The following RBFOX1 variants were observed in gnomAD, a reference collection of about 807,000 sequenced individuals.
RBFOX1 encodes the protein RNA binding fox-1 homolog 1.
In RBFOX1, 8 loss-of-function variants were observed where a neutral mutation model predicts 57.7. That is an observed-to-expected ratio of 0.14 (90% CI 0.08 to 0.25). The LOEUF is 0.25. RBFOX1 is among the 10% of genes least tolerant of loss of function. RBFOX1 has a pLI of 1.00. For missense variants in RBFOX1, 611 were observed against 548.5 expected, an observed-to-expected ratio of 1.11 and a Z score of -1.14; for synonymous variants, 326 against 222.4, an observed-to-expected ratio of 1.47 and a Z score of -4.15.
In RBFOX1 at chr16:7,666,519, T is replaced by G. The variant is rs146690651; in HGVS notation, c.930+1551T>G. 3.3e-5 allele frequency among the ~76,000 whole-genome samples: 5 copies of G among 152,314 alleles called. No homozygotes were observed. The East Asian group carries it at 9.7e-4, about 29-fold the overall frequency. On this transcript the variant is annotated intron_variant, in intron 13 of 15. Transcript: ENST00000550418. ...TATTGAATCATTAATGTGTGGTGTC[T>G]TATGCAGATATCAAATTGGTGTCTT...
intron 1 of RBFOX1, among the ~76,000 whole-genome samples, chr16:6,227,535 G>T (rs112053028): frequency 2.6e-5 from 4 of 152,212 alleles, no homozygotes; most frequent in African/African-American, 9.6e-5. Context: ...AGTCTGCAGG[G>T]TAGGGACAGA....
At chr16:5,827,402 G>GAAAAAAAAAAAAAAAAAAA (rs374545272) in intron 3 of RBFOX1, among the ~76,000 whole-genome samples, 2 of 100,476 alleles carry the variant, frequency 2.0e-5, no homozygotes, top group South Asian at 3.7e-4. Context: ...TCCATCTCAG[G>GAAAAAAAAAAAAAAAAAAA]GAAAAAAAAA....
At chr16:6,770,779 T>G (rs2078156962) in intron 3 of RBFOX1, among the ~76,000 whole-genome samples, 1 of 152,094 alleles carries the variant, frequency 6.6e-6, no homozygotes, top group Non-Finnish European at 1.5e-5. Flanking sequence ...AGTTGGGAAG[T>G]TAAGGAAGTT....
intron 3 of RBFOX1, among the ~76,000 whole-genome samples, chr16:6,921,742 T>C (rs895249329): frequency 4.6e-5 from 7 of 151,686 alleles, no homozygotes; most frequent in Non-Finnish European, 1.0e-4. Context: ...TATATGAGCA[T>C]ATGTATGTGT....
chr16:5,665,138 GGGC>G (rs71142641), intron 3 of RBFOX1, among the ~76,000 whole-genome samples: 17,857 of 147,434 alleles, frequency 0.12, 2,175 homozygotes, highest in East Asian at 0.24. Flanking sequence ...ACATGGGGGG[GGGC>G]GGTCTTGCTA....
intron 4 of RBFOX1, among the ~76,000 whole-genome samples, chr16:7,187,229 CAT>C (rs1352472791): frequency 2.6e-5 from 4 of 151,848 alleles, no homozygotes; most frequent in African/African-American, 4.8e-5. Context: ...GTACTGAAAT[CAT>C]ATGTAAGAAG....
At chr16:5,547,610 T>G (rs1039288368) in intron 2 of RBFOX1, among the ~76,000 whole-genome samples, 5 of 151,812 alleles carry the variant, frequency 3.3e-5, no homozygotes, top group African/African-American at 1.2e-4. Context: ...GGATGGGAAG[T>G]GGGAAAGGAT....
chr16:6,450,832 T>TAC (rs1567303757), intron 2 of RBFOX1, among the ~76,000 whole-genome samples: 10 of 24,342 alleles, frequency 4.1e-4, no homozygotes, highest in African/African-American at 1.7e-3. Flanking sequence ...TATATATATA[T>TAC]ATATGTGTAT....
At chr16:6,657,447 C>G (rs895912276) in intron 3 of RBFOX1, among the ~76,000 whole-genome samples, 34 of 152,110 alleles carry the variant, frequency 2.2e-4, no homozygotes, top group Admixed American at 2.0e-3. Context: ...AGCTCCATCC[C>G]CCTCCCTCTC....
At chr16:5,292,824 C>G (rs1054648206) in intron 1 of RBFOX1, among the ~76,000 whole-genome samples, 4 of 151,946 alleles carry the variant, frequency 2.6e-5, no homozygotes, top group African/African-American at 7.2e-5. Flanking sequence ...GGGGTTTCAC[C>G]ATGTTAGCCA....
intron 2 of RBFOX1, among the ~76,000 whole-genome samples, chr16:6,414,105 A>G (rs1345887274): frequency 6.6e-6 from 1 of 152,174 alleles, no homozygotes; most frequent in African/African-American, 2.4e-5. Context: ...CTGGAGGAAG[A>G]TGCCTCCCAA....
In RBFOX1 at chr16:6,478,495, G is replaced by A. The variant is rs543632643; in HGVS notation, c.-64+161438G>A. Among the ~76,000 whole-genome samples the A allele has an allele frequency of 6.6e-4, 90 of 137,328 alleles. 1 individual carries two copies. Among genetic ancestry groups the A allele is most frequent in the African/African-American group, 2.0e-3 (71 of 36,366 alleles). The allele number at this position is 137,328 out of a possible 152,430, so 90.1% of individuals were successfully genotyped here. A position where few individuals can be genotyped will look rare whatever the true frequency, so the allele number is the denominator to read the frequency against. ...TTCACCATGTTGGCGAGGCTGTTCT[G>A]GAACTCCTGACCTTGTGATTCACTT... On this transcript the variant is annotated intron_variant, in intron 2 of 15. Transcript: ENST00000550418.
In RBFOX1 at chr16:7,535,941, C is replaced by T. The variant is rs113294772; in HGVS notation, c.270+17552C>T. On this transcript the variant is annotated intron_variant, in intron 5 of 15. Coordinates refer to ENST00000550418, the MANE Select transcript of RBFOX1 (RefSeq NM_018723.4). The stretch of plus-strand genomic sequence containing the variant: ...TCTTGGGTTCTTACTATTTGAGAGG[C>T]GCAGAACTGGGCCTTGGAGATACAA... Among the ~76,000 whole-genome samples, 127 of 152,220 alleles carry T rather than the reference C, an allele frequency of 8.3e-4. 1 individual carries two copies. Among genetic ancestry groups the T allele is most frequent in the African/African-American group, 2.8e-3 (116 of 41,532 alleles).
chr16:6,022,152 C>G (rs1006023830), intron 1 of RBFOX1, among the ~76,000 whole-genome samples: 4 of 152,056 alleles, frequency 2.6e-5, no homozygotes, highest in Non-Finnish European at 4.4e-5. Flanking sequence ...TTGACAAGCA[C>G]CTGAAATTAA....
chr16:5,721,357 G>T (rs1267216766), intron 3 of RBFOX1, among the ~76,000 whole-genome samples: 2 of 152,174 alleles, frequency 1.3e-5, no homozygotes, highest in African/African-American at 4.8e-5. Flanking sequence ...GTGGATGTGG[G>T]TATGTGGGTG....
intron 3 of RBFOX1, among the ~76,000 whole-genome samples, chr16:6,727,620 G>C (rs1383337063): frequency 6.6e-6 from 1 of 152,028 alleles, no homozygotes; most frequent in Non-Finnish European, 1.5e-5. Flanking sequence ...GTTTCAGTAT[G>C]AATTTGGGAT....
intron 2 of RBFOX1, among the ~76,000 whole-genome samples, chr16:5,474,669 T>C (rs957905956): frequency 6.6e-6 from 1 of 150,974 alleles, no homozygotes; most frequent in African/African-American, 2.5e-5. Context: ...AAAAAAAAAA[T>C]ACTCCCGGAC....
rs1369837655 is a variant in RBFOX1 at position 6,637,168 on chromosome 16, TATA to T, written c.-63-17434_-63-17432del. Among the ~76,000 whole-genome samples, 3 of 71,120 alleles carry T rather than the reference TATA, an allele frequency of 4.2e-5. 1 individual carries two copies. The highest frequency in any genetic ancestry group is 2.1e-4 in the African/African-American group (3 of 14,002). 46.7% of individuals were successfully genotyped at this position (71,120 alleles called of 152,430 possible). A position where few individuals can be genotyped will look rare whatever the true frequency, so the allele number is the denominator to read the frequency against. ...ATAATATACAATATATATTATATAT[TATA>T]TATATTATATAATATACAATATATA... On this transcript the variant is annotated intron_variant, in intron 2 of 15. Coordinates refer to ENST00000550418, the MANE Select transcript of RBFOX1 (RefSeq NM_018723.4).
intron 1 of RBFOX1, among the ~76,000 whole-genome samples, chr16:6,264,286 A>G (rs1388025454): frequency 2.0e-5 from 3 of 152,290 alleles, no homozygotes; most frequent in Non-Finnish European, 4.4e-5. Flanking sequence ...AACCGTTTCC[A>G]TAACCATGCC....
Sources: gnomAD v4.1 joint callset for allele counts (sites outside exome capture counted in the v4.1 genomes callset) on GRCh38, gnomAD v4.1.1 for gene constraint, MANE v1.5 for transcripts, NCBI Gene and HGNC (gene_info 2026-07-23, HGNC 2026-07-21) for gene names.